The following NEDD9 variants were observed in gnomAD, a reference collection of about 807,000 sequenced individuals.
The protein encoded by NEDD9 is enhancer of filamentation 1.
Under a neutral mutation model 76.6 loss-of-function variants are expected in NEDD9, and 26 were observed. That is an observed-to-expected ratio of 0.34 (90% CI 0.25 to 0.47). NEDD9 has a LOEUF of 0.47. NEDD9 is among the 20% of genes least tolerant of loss of function. The pLI is 1.00. For synonymous variants in NEDD9, 392 were observed against 414.2 expected, an observed-to-expected ratio of 0.95 and a Z score of 0.65; for missense variants, 937 against 1,058.5, an observed-to-expected ratio of 0.89 and a Z score of 1.59.
intron 1 of NEDD9, among the ~76,000 whole-genome samples, chr6:11,374,600 T>G (rs1004419282): frequency 6.6e-6 from 1 of 152,208 alleles, no homozygotes; most frequent in Non-Finnish European, 1.5e-5. Flanking sequence ...GATAACTGTG[T>G]GGTAGCTGCA....
At chr6:11,201,802 G>C (rs970732893) in intron 2 of NEDD9, among the ~76,000 whole-genome samples, 1 of 151,696 alleles carries the variant, frequency 6.6e-6, no homozygotes, top group African/African-American at 2.4e-5. Context: ...ACACAGACCT[G>C]TTCTAGATTC....
chr6:11,199,991 G>A (rs1372586701), intron 2 of NEDD9: 4 of 176,636 alleles, frequency 2.3e-5, no homozygotes, highest in African/African-American at 9.5e-5. Flanking sequence ...CTTCTTAATA[G>A]TGTCAAGAGT....
chr6:11,347,867 C>T (rs1272769438), intron 1 of NEDD9, among the ~76,000 whole-genome samples: 2 of 152,204 alleles, frequency 1.3e-5, no homozygotes, highest in Non-Finnish European at 2.9e-5. Flanking sequence ...GAAGCATTCC[C>T]CTTGAAAACT....
chr6:11,228,800 G>T (rs1027066230), intron 1 of NEDD9, among the ~76,000 whole-genome samples: 11 of 152,090 alleles, frequency 7.2e-5, no homozygotes, highest in African/African-American at 1.4e-4. Flanking sequence ...ATAAATAAAT[G>T]CATAAATACA....
intron 1 of NEDD9, among the ~76,000 whole-genome samples, chr6:11,215,102 AG>A (rs1263182911): frequency 1.3e-5 from 2 of 152,042 alleles, no homozygotes; most frequent in African/African-American, 4.8e-5. Flanking sequence ...TCCGCTCTGG[AG>A]GGCTGTGCAA....
intron 2 of NEDD9, among the ~76,000 whole-genome samples, chr6:11,205,236 A>T (rs1478680719): frequency 1.3e-5 from 2 of 152,212 alleles, no homozygotes; most frequent in African/African-American, 4.8e-5. Flanking sequence ...AAATGCTGTG[A>T]GGTGCACCTC....
chr6:11,296,731 T>C (rs1449791945), intron 3 of NEDD9, among the ~76,000 whole-genome samples: 2 of 151,400 alleles, frequency 1.3e-5, no homozygotes, highest in South Asian at 2.1e-4. Context: ...CTTTCTTTTC[T>C]TTCTTTCTCT....
rs1022516789 is a variant in NEDD9 at position 11,183,415 on chromosome 6, G to A, written c.*1747C>T. ...AAAATGTGAAATGTCTCCACTTAGC[G>A]TAGATCAATCAAGTCAGCCATCTCC... is the stretch of plus-strand genomic sequence containing the variant. On this transcript the variant is annotated 3_prime_UTR_variant, in exon 7 of 7. Coordinates refer to ENST00000379446, the MANE Select transcript of NEDD9 (RefSeq NM_006403.4). The A allele has an allele frequency of 2.0e-4, 30 of 152,168 alleles. No homozygotes were observed. The highest frequency in any genetic ancestry group is 4.4e-5 in the Non-Finnish European group (3 of 68,042). The allele number at this position is 152,168 out of a possible 1,614,324, so 9.4% of individuals were successfully genotyped here.
rs375886404 is a variant in NEDD9, at chr6:11,252,732, GA to G, written c.13-39006del. On this transcript the variant is annotated intron_variant, in intron 3 of 3. Transcript: ENST00000397378. The surrounding 1 kb of genome is among the most constrained non-coding windows in gnomAD (Gnocchi z 4.3). The stretch of plus-strand genomic sequence containing the variant: ...CCTAGCCTGCAGTTTCATTTTCCCA[GA>G]AAAAAAAAACAACTCTGTCTCTTAA... Among the ~76,000 whole-genome samples the G allele has an allele frequency of 7.8e-5, 11 of 141,860 alleles. No individual in the cohort carries two copies. The highest frequency in any genetic ancestry group is 7.0e-5 in the Admixed American group (1 of 14,288). 93.1% of individuals were successfully genotyped at this position (141,860 alleles called of 152,430 possible).
intron 3 of NEDD9, among the ~76,000 whole-genome samples, chr6:11,263,665 T>G (rs1329035804): frequency 6.6e-6 from 1 of 152,176 alleles, no homozygotes; most frequent in Non-Finnish European, 1.5e-5. Flanking sequence ...GGTCATTGTT[T>G]GGTTGGCTGG....
intron 3 of NEDD9, among the ~76,000 whole-genome samples, chr6:11,282,169 G>A (rs925922853): frequency 2.0e-5 from 3 of 152,192 alleles, no homozygotes; most frequent in Non-Finnish European, 4.4e-5. Flanking sequence ...GGTTTCAGGT[G>A]TTCATCTCCT....
intron 2 of NEDD9, among the ~76,000 whole-genome samples, chr6:11,327,812 T>C (rs1761960605): frequency 6.6e-6 from 1 of 152,242 alleles, no homozygotes. Context: ...TGCTTTGCCT[T>C]GGGGCAAATT....
intron 2 of NEDD9, among the ~76,000 whole-genome samples, chr6:11,319,688 ACACT>A (rs1761724498): frequency 1.8e-5 from 2 of 112,208 alleles, no homozygotes; most frequent in African/African-American, 7.2e-5. Flanking sequence ...ACAAACATGG[ACACT>A]CACACAAACA....
At chr6:11,301,005 C>T (rs2113402615) in intron 3 of NEDD9, among the ~76,000 whole-genome samples, 1 of 152,292 alleles carries the variant, frequency 6.6e-6, no homozygotes, top group South Asian at 2.1e-4. Context: ...GGATCAAATT[C>T]ACACATAACA....
chr6:11,288,247 C>G (rs912924426), intron 3 of NEDD9, among the ~76,000 whole-genome samples: 1 of 152,170 alleles, frequency 6.6e-6, no homozygotes, highest in African/African-American at 2.4e-5. Context: ...AGCTGCATGC[C>G]GAGGGTGGTG....
chr6:11,306,914 T>G (rs1273209961), intron 2 of NEDD9, among the ~76,000 whole-genome samples: 1 of 152,218 alleles, frequency 6.6e-6, no homozygotes, highest in Non-Finnish European at 1.5e-5. Flanking sequence ...TTCAATATCT[T>G]GCAGCTGTAA....
At chr6:11,359,744 C>G (rs61474214) in intron 1 of NEDD9, among the ~76,000 whole-genome samples, 2,255 of 152,250 alleles carry the variant, frequency 0.015, 51 homozygotes, top group African/African-American at 0.052. Flanking sequence ...CCAAGGAAAC[C>G]CATCCTATAA....
In NEDD9 at chr6:11,190,428, G is replaced by A; in HGVS notation, c.1441C>T (p.Leu481Phe). 3 of 1,614,202 alleles carry A rather than the reference G, an allele frequency of 1.9e-6. No homozygotes were observed. The highest frequency in any genetic ancestry group is 2.5e-6 in the Non-Finnish European group (3 of 1,180,024). ...AGCTCCCGCTTCATCTTGTTGTGGA[G>A]GATGAGTTCCGGGAGGCAGGCAGCA... The part of the protein sequence containing the change: ...ANAACLPELI[L>F]HNKMKRELQR... Residue 481 changes from leucine (L) to phenylalanine (F), a missense_variant, in exon 5 of 7, where the codon CTC becomes TTC. Physicochemically the swap from Leu to Phe is conservative, Grantham distance 22 (BLOSUM62 0). Transcript: ENST00000379446. This position sits in a 1 kb window ranked among gnomAD's most constrained non-coding sequence, Gnocchi z 5.8.
At chr6:11,347,749 A>G (rs1449444140) in intron 1 of NEDD9, among the ~76,000 whole-genome samples, 2 of 152,220 alleles carry the variant, frequency 1.3e-5, no homozygotes, top group Admixed American at 6.5e-5. Context: ...ACATCCCTTC[A>G]TGTTAAAAAC....
Sources: gnomAD v4.1 joint callset for allele counts (sites outside exome capture counted in the v4.1 genomes callset) on GRCh38, gnomAD v4.1.1 for gene constraint, Gnocchi (gnomAD v3.1) non-coding constraint, MANE v1.5 for transcripts, NCBI Gene and HGNC (gene_info 2026-07-23, HGNC 2026-07-21) for gene names.